Variants in STXBP3 observed in about 807,000 individuals in gnomAD.
STXBP3 encodes syntaxin binding protein 3, also known as syntaxin-binding protein 3.
A neutral mutation model predicts 85.7 loss-of-function variants in STXBP3; 41 were observed. The observed-to-expected ratio is 0.48, with a 90% CI of 0.37 to 0.62. STXBP3 has a LOEUF of 0.62. Among genes scored for constraint, STXBP3 ranks in the 20% least tolerant of loss-of-function variants. The probability of loss-of-function intolerance (pLI) is 0.00; values close to 1 mark genes in which losing one functional copy is unlikely to be tolerated. For synonymous variants in STXBP3, 229 were observed against 231.7 expected, an observed-to-expected ratio of 0.99 and a Z score of 0.10; for missense variants, 563 against 703.1, an observed-to-expected ratio of 0.80 and a Z score of 2.25.
intron 1 of STXBP3, among the ~76,000 whole-genome samples, chr1:108,750,346 C>T (rs771383410): frequency 6.6e-6 from 1 of 152,046 alleles, no homozygotes; most frequent in Non-Finnish European, 1.5e-5. Flanking sequence ...GCGCTTTTGG[C>T]TTAAATTATG....
At chr1:108,794,694 T>C (rs1663052473) in intron 12 of STXBP3, 133 bp from the exon 13 acceptor site, 1 of 685,592 alleles carries the variant, frequency 1.5e-6, no homozygotes, top group Non-Finnish European at 2.5e-6. Context: ...TCTTGAGCTG[T>C]TCCCTTGCTT....
At chr1:108,773,253 C>T (rs1478670655) in intron 7 of STXBP3, among the ~76,000 whole-genome samples, 1 of 152,052 alleles carries the variant, frequency 6.6e-6, no homozygotes, top group Non-Finnish European at 1.5e-5. Context: ...TAAAATTTAA[C>T]TTTAGTACAA....
chr1:108,790,648 ATCAAG>A (rs1662955594), intron 11 of STXBP3, among the ~76,000 whole-genome samples: 1 of 151,496 alleles, frequency 6.6e-6, no homozygotes, highest in Non-Finnish European at 1.5e-5. Flanking sequence ...TTCCTTCTTT[ATCAAG>A]TCTTTTTTAA....
chr1:108,753,199 G>A (rs1661941583), intron 3 of STXBP3, 55 bp downstream of exon 3: 3 of 1,302,062 alleles, frequency 2.3e-6, no homozygotes, highest in Admixed American at 2.7e-5. Context: ...GGAGATCTGA[G>A]GTATTAAATT....
chr1:108,773,574 A>G (rs1662519569), intron 7 of STXBP3, among the ~76,000 whole-genome samples: 1 of 152,228 alleles, frequency 6.6e-6, no homozygotes, highest in African/African-American at 2.4e-5. Context: ...GTTCAGGCTC[A>G]TTAGAAGGAT....
chr1:108,750,058 T>C (rs1446896801), intron 1 of STXBP3, among the ~76,000 whole-genome samples: 1 of 152,110 alleles, frequency 6.6e-6, no homozygotes, highest in African/African-American at 2.4e-5. Context: ...TTCCACCATC[T>C]AGGACAATGC....
intron 6 of STXBP3, among the ~76,000 whole-genome samples, chr1:108,766,498 T>G (rs897660171): frequency 1.4e-4 from 22 of 152,180 alleles, no homozygotes; most frequent in Admixed American, 5.2e-4. Context: ...GTGTGTAAGC[T>G]ATCCTGCTTG....
intron 8 of STXBP3, among the ~76,000 whole-genome samples, chr1:108,777,758 A>G (rs1198961077): frequency 6.6e-6 from 1 of 152,166 alleles, no homozygotes; most frequent in African/African-American, 2.4e-5. Context: ...AAAGTGATAA[A>G]GTGTCACCTT....
chr1:108,793,910 A>G (rs1193131373), intron 12 of STXBP3, among the ~76,000 whole-genome samples: 4 of 152,112 alleles, frequency 2.6e-5, no homozygotes, highest in African/African-American at 7.2e-5. Context: ...ACATTTATCA[A>G]CCTTACAAGA....
chr1:108,761,119 T>A (rs1173831408), intron 6 of STXBP3, among the ~76,000 whole-genome samples: 1 of 152,192 alleles, frequency 6.6e-6, no homozygotes, highest in African/African-American at 2.4e-5. Flanking sequence ...TTGGTCAGGC[T>A]GGTCTCGAAC....
chr1:108,791,770 C>G (rs902723159), intron 11 of STXBP3, among the ~76,000 whole-genome samples: 1 of 152,062 alleles, frequency 6.6e-6, no homozygotes, highest in Non-Finnish European at 1.5e-5. Flanking sequence ...AATGTCATCA[C>G]CCCCCAAAAT....
intron 7 of STXBP3, among the ~76,000 whole-genome samples, chr1:108,773,973 A>G (rs1400180318): frequency 1.3e-5 from 2 of 152,192 alleles, no homozygotes; most frequent in African/African-American, 2.4e-5. Flanking sequence ...ATAGAACATT[A>G]ACAGCATCTC....
At chr1:108,773,939 T>A (rs1662528263) in intron 7 of STXBP3, among the ~76,000 whole-genome samples, 1 of 152,096 alleles carries the variant, frequency 6.6e-6, no homozygotes, top group African/African-American at 2.4e-5. Context: ...AACATATCCA[T>A]CTAACCCTAC....
chr1:108,787,216 CA>C (rs566264501), intron 11 of STXBP3, among the ~76,000 whole-genome samples: 34 of 152,236 alleles, frequency 2.2e-4, no homozygotes, highest in Middle Eastern at 3.4e-3. Context: ...GCAATCCCCC[CA>C]CCCTTGCCTC....
intron 17 of STXBP3, among the ~76,000 whole-genome samples, chr1:108,805,782 A>G (rs1663318569): frequency 6.6e-6 from 1 of 152,194 alleles, no homozygotes; most frequent in African/African-American, 2.4e-5. Flanking sequence ...CTGTAAGTCC[A>G]CCTACTTGAG....
intron 11 of STXBP3, among the ~76,000 whole-genome samples, chr1:108,785,332 G>A (rs930669605): frequency 6.6e-6 from 1 of 152,190 alleles, no homozygotes; most frequent in Non-Finnish European, 1.5e-5. Context: ...TATGCACCCT[G>A]TAAGCCCAAC....
At chr1:108,776,749 A>G (rs1019060609) in intron 8 of STXBP3, among the ~76,000 whole-genome samples, 3 of 152,160 alleles carry the variant, frequency 2.0e-5, no homozygotes, top group Non-Finnish European at 2.9e-5. Flanking sequence ...AATGGGGATA[A>G]TAAAAGAATA....
intron 1 of STXBP3, among the ~76,000 whole-genome samples, 179 bp downstream of exon 1, chr1:108,746,965 A>C (rs899556042): frequency 6.6e-6 from 1 of 152,030 alleles, no homozygotes; most frequent in Non-Finnish European, 1.5e-5. Flanking sequence ...TGCCAGCACC[A>C]GGGATGGGCG....
At chr1:108,749,856 A>G (rs1030043067) in intron 1 of STXBP3, among the ~76,000 whole-genome samples, 1 of 152,178 alleles carries the variant, frequency 6.6e-6, no homozygotes, top group African/African-American at 2.4e-5. Context: ...GTAATTTTAA[A>G]TTTTCTAGTA....
Sources: gnomAD v4.1 joint callset for allele counts (sites outside exome capture counted in the v4.1 genomes callset) on GRCh38, gnomAD v4.1.1 for gene constraint, MANE v1.5 for transcripts, NCBI Gene and HGNC (gene_info 2026-07-23, HGNC 2026-07-21) for gene names.